SPG11: variants seen among roughly 807,000 people sequenced by gnomAD.
The protein encoded by SPG11 is SPG11 vesicle trafficking associated, spatacsin, also known as spatacsin.
In SPG11, 222 loss-of-function variants were observed where a neutral mutation model predicts 274.0. The ratio of observed to expected loss-of-function variants is 0.81; its 90% confidence interval spans 0.73 to 0.91. SPG11 has a LOEUF of 0.91. Among genes scored for constraint, SPG11 ranks in the 40% least tolerant of loss-of-function variants. The pLI, the probability that SPG11 is intolerant of heterozygous loss-of-function variation, is 0.00. For missense variants in SPG11, 3,114 were observed against 2,872.7 expected, an observed-to-expected ratio of 1.08 and a Z score of -1.92; for synonymous variants, 1,144 against 1,039.7, an observed-to-expected ratio of 1.10 and a Z score of -1.93.
chr15:44,562,979 G>T lies in SPG11; in HGVS notation c.*142C>A. 1.3e-6 allele frequency: 1 copy of T among 745,196 alleles called. No individual in the cohort carries two copies. The highest frequency in any genetic ancestry group is 2.2e-6 in the Non-Finnish European group (1 of 454,532). The allele number at this position is 745,196 out of a possible 1,614,324, so 46.2% of individuals were successfully genotyped here. The stretch of plus-strand genomic sequence containing the variant: ...TTTCCTCCTGAAAAGTTTCTTACTT[G>T]CTACCTACTACCCACAAAGGACTGA... On this transcript the variant is annotated 3_prime_UTR_variant, in exon 40 of 40. Transcript: ENST00000261866.
intron 15 of SPG11, among the ~76,000 whole-genome samples, chr15:44,618,385 GC>G (rs2083646970): frequency 6.6e-6 from 1 of 151,372 alleles, no homozygotes; most frequent in Non-Finnish European, 1.5e-5. Flanking sequence ...AGGCGTGGTG[GC>G]GGGCGCCTGT....
At chr15:44,658,511 T>G (rs1016822428) in intron 3 of SPG11, among the ~76,000 whole-genome samples, 1 of 150,442 alleles carries the variant, frequency 6.6e-6, no homozygotes, top group Non-Finnish European at 1.5e-5. Flanking sequence ...TAGGCTGGAG[T>G]GCAGTGGTAC....
chr15:44,578,190 ATTTTTTT>A (rs564990735), intron 30 of SPG11, among the ~76,000 whole-genome samples: 23 of 127,836 alleles, frequency 1.8e-4, no homozygotes, highest in Non-Finnish European at 2.5e-4. Context: ...ACGCGTGGCT[ATTTTTTT>A]TTTTTTTTTT....
In SPG11 at chr15:44,598,810, T is replaced by C. The variant is rs150720530; in HGVS notation, c.3713A>G (p.Tyr1238Cys). 5 of 1,614,154 alleles carry C rather than the reference T, an allele frequency of 3.1e-6. No homozygotes were observed. The highest frequency in any genetic ancestry group is 4.5e-5 in the East Asian group (2 of 44,886). ...GTGGAAGGAGGAGAGCCCTATAACA[T>C]AGGCTTCATTGCCTACTTGCTGGAT... ...QLIQQVGNEA[Y>C]VIGLSSFHIP... Residue 1238 changes from tyrosine to cysteine, a missense_variant, in exon 22 of 40, where the codon TAT (tyrosine) becomes TGT (cysteine). Transcript: ENST00000261866.
chr15:44,601,260 ATTTT>A (rs1465882850), intron 20 of SPG11, among the ~76,000 whole-genome samples: 1 of 151,834 alleles, frequency 6.6e-6, no homozygotes, highest in African/African-American at 2.4e-5. Context: ...AACATAATTG[ATTTT>A]TTATTTTTTT....
chr15:44,622,579 A>C (rs1595891416), intron 12 of SPG11, 149 bp downstream of exon 12: 1 of 791,246 alleles, frequency 1.3e-6, no homozygotes, highest in Non-Finnish European at 2.1e-6. Context: ...ATGAAGGGGA[A>C]AAAAAGATGA....
chr15:44,575,042 C>G lies in SPG11; in HGVS notation c.5867-1G>C. On this transcript the variant is annotated splice_acceptor_variant, in intron 30 of 39. Transcript: ENST00000261866. LOFTEE classifies it high-confidence loss of function. ...AACTTCTGACTATCCAGACTTGAAG[C>G]TGGAAGCAAATACAAGTCTGAGGGG... 6.2e-7 allele frequency: 1 copy of G among 1,613,878 alleles called. No homozygotes were observed. The highest frequency in any genetic ancestry group is 8.5e-7 in the Non-Finnish European group (1 of 1,180,028).
At position 44,600,532 on chromosome 15, in the gene SPG11, C is replaced by A; in HGVS notation, c.3621G>T (p.Arg1207=). The change falls in exon 21 of 40, where the codon CGG becomes CGT. Residue 1207 remains arginine, a synonymous_variant. Transcript: ENST00000261866. ...LNFAYYLHNG[R]PSFAFGTFLV... The stretch of plus-strand genomic sequence containing the variant: ...GAAAAGTACCAAATGCAAATGATGG[C>A]CGCCCATTATGTAAATAATAAGCAA... 1 of 1,614,104 alleles carries A rather than the reference C, an allele frequency of 6.2e-7. No homozygotes were observed. The highest frequency in any genetic ancestry group is 1.1e-5 in the South Asian group (1 of 91,078).
At chr15:44,586,178 T>C (rs2082761598) in intron 28 of SPG11, among the ~76,000 whole-genome samples, 1 of 151,756 alleles carries the variant, frequency 6.6e-6, no homozygotes, top group Admixed American at 6.6e-5. Context: ...AGAGATGGGA[T>C]TTCACCATGT....
chr15:44,655,797 G>GT (rs2084923874), intron 4 of SPG11, among the ~76,000 whole-genome samples: 1 of 152,076 alleles, frequency 6.6e-6, no homozygotes, highest in Non-Finnish European at 1.5e-5. Flanking sequence ...CAACTGTACT[G>GT]TTTTTTCCTA....
At chr15:44,659,401 AAG>A (rs2085037957) in intron 2 of SPG11, 98 bp from the exon 3 acceptor site, 1 of 1,061,990 alleles carries the variant, frequency 9.4e-7, no homozygotes, top group Non-Finnish European at 1.4e-6. Flanking sequence ...TAAAACAAAA[AAG>A]GAACTGGACT....
intron 7 of SPG11, among the ~76,000 whole-genome samples, chr15:44,636,931 A>AAAAAAAAC (rs2084279784): frequency 5.0e-5 from 6 of 120,704 alleles, no homozygotes; most frequent in Admixed American, 1.6e-4. Flanking sequence ...ATCTCAAAAA[A>AAAAAAAAC]AAAAAAAAAA....
chr15:44,565,225 A>C (rs1344932708), intron 38 of SPG11, among the ~76,000 whole-genome samples: 1 of 152,100 alleles, frequency 6.6e-6, no homozygotes, highest in Non-Finnish European at 1.5e-5. Flanking sequence ...TGGGGCTAGG[A>C]GGTTCTTGCA....
At chr15:44,643,598 T>C (rs753858313) in intron 7 of SPG11, among the ~76,000 whole-genome samples, 10 of 151,962 alleles carry the variant, frequency 6.6e-5, no homozygotes, top group Non-Finnish European at 1.5e-4. Context: ...AGAATAAATC[T>C]GCACAATCTC....
At chr15:44,591,563 G>A (rs758557775) in intron 27 of SPG11, among the ~76,000 whole-genome samples, 10 of 152,196 alleles carry the variant, frequency 6.6e-5, no homozygotes, top group Non-Finnish European at 1.3e-4. Context: ...TGGCCATAGG[G>A]AGTAATAGGC....
chr15:44,648,367 G>C (rs1481733368), intron 7 of SPG11, among the ~76,000 whole-genome samples: 1 of 152,066 alleles, frequency 6.6e-6, no homozygotes, highest in Non-Finnish European at 1.5e-5. Flanking sequence ...ACAAAAATTA[G>C]CTGGACATGG....
At chr15:44,604,168 C>A in intron 20 of SPG11, 1 of 438,708 alleles carries the variant, frequency 2.3e-6, no homozygotes, top group Non-Finnish European at 4.6e-6. Context: ...TCATGGAATT[C>A]CAAGGACTTT....
chr15:44,641,922 GAAAA>G (rs71111874), intron 7 of SPG11, among the ~76,000 whole-genome samples: 198 of 55,894 alleles, frequency 3.5e-3, no homozygotes, highest in African/African-American at 0.011. Flanking sequence ...CTGCTTAACA[GAAAA>G]AAAAAAAAAA....
chr15:44,621,607 G>A, intron 14 of SPG11, 152 bp downstream of exon 14: 2 of 732,914 alleles, frequency 2.7e-6, no homozygotes, highest in Non-Finnish European at 4.6e-6. Flanking sequence ...AGATAAGAAA[G>A]AGATCTTAAT....
Sources: allele counts gnomAD v4.1 joint callset (sites outside exome capture counted in the v4.1 genomes callset), GRCh38; gene constraint gnomAD v4.1.1; transcripts MANE v1.5; gene names NCBI Gene and HGNC (gene_info 2026-07-23, HGNC 2026-07-21).